SHC3: variants seen among roughly 807,000 people sequenced by gnomAD.
The protein encoded by SHC3 is SHC adaptor protein 3.
Under a neutral mutation model 60.4 loss-of-function variants are expected in SHC3, and 15 were observed. The observed-to-expected ratio is 0.25, with a 90% confidence interval of 0.17 to 0.38. The LOEUF (loss-of-function observed/expected upper bound fraction) is 0.38. SHC3 is among the 10% of genes least tolerant of loss of function. The pLI, the probability that SHC3 is intolerant of heterozygous loss-of-function variation, is 1.00. For synonymous variants in SHC3, 294 were observed against 325.9 expected, an observed-to-expected ratio of 0.90 and a Z score of 1.05; for missense variants, 677 against 786.1, an observed-to-expected ratio of 0.86 and a Z score of 1.66.
At chr9:89,092,615 CAAAAAAAAAAAAAA>C (rs59133401) in intron 2 of SHC3, among the ~76,000 whole-genome samples, 1 of 67,852 alleles carries the variant, frequency 1.5e-5, no homozygotes, top group Non-Finnish European at 2.8e-5. Context: ...GACTCTGTCT[CAAAAAAAAAAAAAA>C]AAAAAAAAAA....
rs533527814 is a variant in SHC3 at position 89,060,381 on chromosome 9, T to C, written c.835+5148A>G. Among the ~76,000 whole-genome samples the C allele has an allele frequency of 3.9e-5, 6 of 151,958 alleles. No individual in the cohort carries two copies. The East Asian group carries it at 7.7e-4, about 20-fold the overall frequency. On this transcript the variant is annotated intron_variant, in intron 6 of 11. Transcript: ENST00000375835. ...TGGTGGAGGATGGTGGTGGAAGATA[T>C]GCTGGAAGATGCTTGGTGTAGGATG...
At chr9:89,062,547 T>C (rs1192304705) in intron 6 of SHC3, among the ~76,000 whole-genome samples, 1 of 152,160 alleles carries the variant, frequency 6.6e-6, no homozygotes, top group African/African-American at 2.4e-5. Flanking sequence ...TATAAGAATA[T>C]AGAAGCAAGA....
chr9:89,117,459 T>C (rs1162645064), intron 1 of SHC3, among the ~76,000 whole-genome samples: 2 of 152,266 alleles, frequency 1.3e-5, no homozygotes, highest in African/African-American at 4.8e-5. Context: ...TGATTGTTCA[T>C]ATCTTTCTGC....
At chr9:89,020,705 C>G (rs1317772886) in intron 11 of SHC3, among the ~76,000 whole-genome samples, 1 of 152,126 alleles carries the variant, frequency 6.6e-6, no homozygotes, top group East Asian at 1.9e-4. Flanking sequence ...GGCAGGCCAA[C>G]CTCAGTATGT....
At chr9:89,168,389 G>A (rs979741685) in intron 1 of SHC3, among the ~76,000 whole-genome samples, 2 of 151,996 alleles carry the variant, frequency 1.3e-5, no homozygotes, top group South Asian at 2.1e-4. Flanking sequence ...TGCTTGAACC[G>A]GGAGGCAGAG....
intron 3 of SHC3, among the ~76,000 whole-genome samples, chr9:89,076,109 A>G (rs561643491): frequency 6.6e-6 from 1 of 152,280 alleles, no homozygotes; most frequent in Admixed American, 6.5e-5. Context: ...AGAAACGGGC[A>G]TCGTTTCCAC....
chr9:89,061,913 A>G (rs1217701216), intron 6 of SHC3, among the ~76,000 whole-genome samples: 1 of 152,152 alleles, frequency 6.6e-6, no homozygotes, highest in East Asian at 1.9e-4. Context: ...ATTTGGTGCT[A>G]TTTGTGGTTC....
chr9:89,125,234 A>G (rs954271256), intron 1 of SHC3, among the ~76,000 whole-genome samples: 1 of 152,204 alleles, frequency 6.6e-6, no homozygotes, highest in African/African-American at 2.4e-5. Context: ...TCTGATGTCC[A>G]GTCAAGTGTG....
chr9:89,075,513 C>T (rs1780546164), intron 3 of SHC3, among the ~76,000 whole-genome samples: 2 of 152,228 alleles, frequency 1.3e-5, no homozygotes, highest in Non-Finnish European at 2.9e-5. Flanking sequence ...TTCTCTGGCC[C>T]TGTTGGGAAG....
At chr9:89,017,434 T>C (rs1044563919) in intron 11 of SHC3, among the ~76,000 whole-genome samples, 6 of 152,212 alleles carry the variant, frequency 3.9e-5, no homozygotes, top group Admixed American at 3.3e-4. Flanking sequence ...TTGGGAAAAC[T>C]GGTTAGCCCT....
chr9:89,099,027 T>C (rs564301932), intron 2 of SHC3, among the ~76,000 whole-genome samples: 1 of 152,264 alleles, frequency 6.6e-6, no homozygotes, highest in East Asian at 1.9e-4. Flanking sequence ...AGGATTCCTT[T>C]GTCATATTCT....
At chr9:89,020,301 G>A (rs779630741) in intron 11 of SHC3, among the ~76,000 whole-genome samples, 11 of 151,900 alleles carry the variant, frequency 7.2e-5, no homozygotes, top group Non-Finnish European at 1.2e-4. Flanking sequence ...GGGGTGAGAG[G>A]TGAAGGTGGA....
At position 89,078,269 on chromosome 9, in the gene SHC3, A is replaced by T. The variant is rs192721424; in HGVS notation, c.546-366T>A. Among the ~76,000 whole-genome samples, 7 of 151,966 alleles carry T rather than the reference A, an allele frequency of 4.6e-5. No individual in the cohort carries two copies. The East Asian group carries it at 1.4e-3, about 29-fold the overall frequency. On this transcript the variant is annotated intron_variant, in intron 2 of 11. Transcript: ENST00000375835. ...CGACACTGTGATGCTATCTATCTCCATGGCTTTGGTCAGGACATCAGGCCC... is the reference window on the plus strand; with the variant it reads ...CGACACTGTGATGCTATCTATCTCCTTGGCTTTGGTCAGGACATCAGGCCC...
intron 1 of SHC3, among the ~76,000 whole-genome samples, chr9:89,120,529 A>G (rs951956726): frequency 6.6e-6 from 1 of 152,226 alleles, no homozygotes; most frequent in Admixed American, 6.5e-5. Flanking sequence ...CAGAATGGTC[A>G]AATTTGGTGA....
intron 2 of SHC3, among the ~76,000 whole-genome samples, chr9:89,087,222 C>G (rs572675426): frequency 1.4e-4 from 22 of 152,302 alleles, no homozygotes; most frequent in Admixed American, 2.6e-4. Context: ...TAGTAAACAT[C>G]GTCAATCAGA....
At chr9:89,120,012 T>G (rs1012426970) in intron 1 of SHC3, among the ~76,000 whole-genome samples, 1 of 152,202 alleles carries the variant, frequency 6.6e-6, no homozygotes, top group African/African-American at 2.4e-5. Flanking sequence ...CAATGCAGCC[T>G]AGCCCAGCGC....
At chr9:89,034,261 T>G (rs1200459729) in intron 11 of SHC3, among the ~76,000 whole-genome samples, 1 of 152,222 alleles carries the variant, frequency 6.6e-6, no homozygotes, top group African/African-American at 2.4e-5. Context: ...AACAGATTCC[T>G]AGACATATCC....
intron 4 of SHC3, among the ~76,000 whole-genome samples, chr9:89,073,249 A>C (rs866083854): frequency 7.9e-5 from 12 of 152,216 alleles, no homozygotes; most frequent in Admixed American, 5.9e-4. Flanking sequence ...AAAAAATGAA[A>C]GTCATATTTG....
At chr9:89,165,260 T>TTGTGTGTGTGTGTG (rs10626309) in intron 1 of SHC3, among the ~76,000 whole-genome samples, 2,987 of 148,606 alleles carry the variant, frequency 0.02, 52 homozygotes, top group Middle Eastern at 0.059. Flanking sequence ...AAAGACGTGT[T>TTGTGTGTGTGTGTG]TGTGTGTGTG....
Sources: gnomAD v4.1 joint callset for allele counts (sites outside exome capture counted in the v4.1 genomes callset) on GRCh38, gnomAD v4.1.1 for gene constraint, MANE v1.5 for transcripts, NCBI Gene and HGNC (gene_info 2026-07-23, HGNC 2026-07-21) for gene names.